The following RRP15 variants were observed in gnomAD, a reference collection of about 807,000 sequenced individuals.
RRP15 encodes the protein RRP15-like protein.
Under a neutral mutation model 27.1 loss-of-function variants are expected in RRP15, and 18 were observed. That is an observed-to-expected ratio of 0.66 (90% CI 0.46 to 0.98). RRP15 has a LOEUF of 0.98. RRP15 is among the 50% of genes least tolerant of loss of function. The pLI is 0.00. For synonymous variants in RRP15, 107 were observed against 109.4 expected (o/e 0.98, Z 0.14); for missense variants, 359 against 337.8 (o/e 1.06, Z -0.49).
intron 1 of RRP15, chr1:218,301,378 G>GATGC (rs1655808088): frequency 1.3e-5 from 2 of 152,308 alleles, no homozygotes; most frequent in South Asian, 4.1e-4. Flanking sequence ...GGATCATAGA[G>GATGC]ATGCATGCAT....
intron 1 of RRP15, among the ~76,000 whole-genome samples, chr1:218,292,717 A>C (rs189058372): frequency 6.6e-6 from 1 of 152,180 alleles, no homozygotes; most frequent in Non-Finnish European, 1.5e-5. Flanking sequence ...TGCATACCCA[A>C]CCTGTGTGAT....
chr1:218,291,173 C>G (rs973548122), intron 1 of RRP15, among the ~76,000 whole-genome samples: 1 of 151,284 alleles, frequency 6.6e-6, no homozygotes, highest in African/African-American at 2.4e-5. Flanking sequence ...CATGGTGGCT[C>G]ACACCTGTAA....
intron 4 of RRP15, among the ~76,000 whole-genome samples, chr1:218,320,780 A>G (rs1337392333): frequency 6.6e-6 from 1 of 152,150 alleles, no homozygotes; most frequent in Non-Finnish European, 1.5e-5. Context: ...GGGCGAAAAA[A>G]ATTGAATCCA....
chr1:218,288,309 A>G (rs1017948392), intron 1 of RRP15, among the ~76,000 whole-genome samples: 3 of 152,230 alleles, frequency 2.0e-5, no homozygotes, highest in East Asian at 3.8e-4. Context: ...AAAGTATTCA[A>G]TTTTGCAAAC....
intron 4 of RRP15, among the ~76,000 whole-genome samples, chr1:218,311,718 T>C (rs1655998808): frequency 6.6e-6 from 1 of 152,242 alleles, no homozygotes; most frequent in Admixed American, 6.5e-5. Context: ...TTATTTTCTC[T>C]TGGCCTTCTC....
chr1:218,322,034 A>T (rs896185834), intron 4 of RRP15, among the ~76,000 whole-genome samples: 1 of 152,154 alleles, frequency 6.6e-6, no homozygotes, highest in Admixed American at 6.5e-5. Flanking sequence ...AGCATTTTGC[A>T]TGTATTTTAG....
At chr1:218,325,097 G>A (rs1388283019) in intron 4 of RRP15, among the ~76,000 whole-genome samples, 2 of 151,714 alleles carry the variant, frequency 1.3e-5, no homozygotes, top group Admixed American at 6.6e-5. Context: ...TTTTTTTCTT[G>A]GTTCACTCTC....
At chr1:218,312,671 C>G (rs1346314122) in intron 4 of RRP15, among the ~76,000 whole-genome samples, 1 of 151,634 alleles carries the variant, frequency 6.6e-6, no homozygotes, top group African/African-American at 2.4e-5. Context: ...ATATTGCTCA[C>G]GAAATTAGAA....
At position 218,318,291 on chromosome 1, in the gene RRP15, AT is replaced by A. The variant is rs576891796; in HGVS notation, c.705+10666del. Reference sequence around the variant, plus strand: ...GATGTTCATATACCATACAATTAAAATTTTTTTATAACTTTTTGAGAATTAG... The same window carrying A: ...GATGTTCATATACCATACAATTAAAATTTTTTATAACTTTTTGAGAATTAG... On this transcript the variant is annotated intron_variant, in intron 4 of 4. Transcript: ENST00000366932. Among the ~76,000 whole-genome samples, 48 of 152,228 alleles carry A rather than the reference AT, an allele frequency of 3.2e-4. 1 individual carries two copies. Among genetic ancestry groups the A allele is most frequent in the Non-Finnish European group, 5.1e-4 (35 of 68,002 alleles).
chr1:218,291,403 C>T (rs1029217725), intron 1 of RRP15, among the ~76,000 whole-genome samples: 10 of 151,508 alleles, frequency 6.6e-5, no homozygotes, highest in Admixed American at 6.6e-4. Flanking sequence ...CAAGATTGTG[C>T]CACTGCACTC....
intron 4 of RRP15, among the ~76,000 whole-genome samples, chr1:218,315,449 G>A (rs1013852871): frequency 1.6e-4 from 24 of 151,944 alleles, no homozygotes; most frequent in Non-Finnish European, 2.8e-4. Flanking sequence ...TTTTTCTAAG[G>A]CAGGATCTCA....
At chr1:218,324,262 G>A (rs1384344983) in intron 4 of RRP15, among the ~76,000 whole-genome samples, 1 of 152,144 alleles carries the variant, frequency 6.6e-6, no homozygotes. Flanking sequence ...AGGTGGCATG[G>A]CCCCTGCCAA....
At chr1:218,319,360 C>T (rs1656141724) in intron 4 of RRP15, among the ~76,000 whole-genome samples, 1 of 152,092 alleles carries the variant, frequency 6.6e-6, no homozygotes, top group South Asian at 2.1e-4. Context: ...CCACTGTGCC[C>T]GGCTTGTTTG....
At chr1:218,286,048 A>G (rs571031489) in intron 1 of RRP15, among the ~76,000 whole-genome samples, 11 of 152,260 alleles carry the variant, frequency 7.2e-5, no homozygotes, top group Non-Finnish European at 1.0e-4. Flanking sequence ...GCTCCTCTTT[A>G]CCATCATTCT....
intron 1 of RRP15, chr1:218,301,766 G>T (rs780407304): frequency 6.6e-6 from 1 of 151,902 alleles, no homozygotes; most frequent in Non-Finnish European, 1.5e-5. Flanking sequence ...TTTTACATGA[G>T]GCTGATTTTT....
intron 3 of RRP15, 23 bp downstream of exon 3, chr1:218,305,148 T>C (rs1558205611): frequency 6.4e-7 from 1 of 1,561,636 alleles, no homozygotes; most frequent in Non-Finnish European, 8.8e-7. Flanking sequence ...TTTTGCCCTT[T>C]AAAAAATAAG....
At chr1:218,295,546 G>T (rs1329204469) in intron 1 of RRP15, among the ~76,000 whole-genome samples, 45 of 152,312 alleles carry the variant, frequency 3.0e-4, no homozygotes, top group Admixed American at 2.9e-3. Flanking sequence ...AACAATTCAG[G>T]TTAGAAGGTC....
chr1:218,334,971 A>G lies in RRP15; in HGVS notation c.*3880A>G, dbSNP rs1036259710. 3.3e-5 allele frequency: 5 copies of G among 152,178 alleles called. No individual in the cohort carries two copies. The highest frequency in any genetic ancestry group is 6.5e-5 in the Admixed American group (1 of 15,276). 9.4% of individuals were successfully genotyped at this position (152,178 alleles called of 1,614,324 possible). Reference sequence around the variant, plus strand: ...TTTCTGAAATTTGATTAAACATATTAGTCAAGGGAATCTGTGAATAGATTT... The same window carrying G: ...TTTCTGAAATTTGATTAAACATATTGGTCAAGGGAATCTGTGAATAGATTT... On this transcript the variant is annotated 3_prime_UTR_variant, in exon 5 of 5. Coordinates refer to ENST00000366932, the MANE Select transcript of RRP15 (RefSeq NM_016052.4).
intron 3 of RRP15, among the ~76,000 whole-genome samples, chr1:218,305,437 A>G (rs1185933706): frequency 6.6e-6 from 1 of 152,180 alleles, no homozygotes; most frequent in Non-Finnish European, 1.5e-5. Flanking sequence ...GCACTCAATG[A>G]TGGTTTTTAT....
Sources: allele counts gnomAD v4.1 joint callset (sites outside exome capture counted in the v4.1 genomes callset), GRCh38; gene constraint gnomAD v4.1.1; transcripts MANE v1.5; gene names NCBI Gene and HGNC (gene_info 2026-07-23, HGNC 2026-07-21).